The following EPHA6 variants were observed in gnomAD, a reference collection of about 807,000 sequenced individuals.
EPHA6 encodes EPH receptor A6.
EPHA6 carries 50 observed loss-of-function variants against 112.0 expected under a neutral mutation model. The observed-to-expected ratio is 0.45, with a 90% confidence interval of 0.36 to 0.56. EPHA6 has a LOEUF of 0.56. Among genes scored for constraint, EPHA6 ranks in the 20% least tolerant of loss-of-function variants. The pLI, the probability that EPHA6 is intolerant of heterozygous loss-of-function variation, is 0.00. For synonymous variants in EPHA6, 529 were observed against 490.7 expected, an observed-to-expected ratio of 1.08 and a Z score of -1.03; for missense variants, 1,280 against 1,417.4, an observed-to-expected ratio of 0.90 and a Z score of 1.56.
chr3:96,997,386 C>T (rs2043460797), intron 3 of EPHA6, among the ~76,000 whole-genome samples: 1 of 152,010 alleles, frequency 6.6e-6, no homozygotes, highest in South Asian at 2.1e-4. Flanking sequence ...GCTTTCAAGG[C>T]CTTCCTCACT....
intron 7 of EPHA6, among the ~76,000 whole-genome samples, chr3:97,465,458 C>A (rs1031533527): frequency 2.0e-5 from 3 of 151,842 alleles, no homozygotes; most frequent in African/African-American, 7.3e-5. Context: ...ATTGATGGAG[C>A]CATAGTTTTG....
chr3:97,612,253 G>A (rs1338590260), intron 13 of EPHA6: 1 of 260,288 alleles, frequency 3.8e-6, no homozygotes, highest in African/African-American at 2.2e-5. Context: ...TATACTTAAT[G>A]TCCTTCCATT....
In EPHA6 at chr3:96,814,728, C is replaced by G. The variant is rs759542650; in HGVS notation, c.105C>G (p.Cys35Trp). The change falls in exon 1 of 18, where the codon TGC becomes TGG. Residue 35 changes from cysteine (C) to tryptophan (W), a missense_variant. This residue lies in a region of EPHA6 where 220 missense variants were observed against 171.5 expected (regional missense o/e 1.28). Transcript: ENST00000389672. Reference protein sequence around the residue: ...APATGQPGPSCPVPGTSRRGR... With the variant: ...APATGQPGPSWPVPGTSRRGR... Reference sequence around the variant, plus strand: ...CAACTGGGCAGCCTGGACCCTCGTGCCCTGTTCCCGGGACCTCGCGCAGGG... The same window carrying G: ...CAACTGGGCAGCCTGGACCCTCGTGGCCTGTTCCCGGGACCTCGCGCAGGG... 4.4e-6 allele frequency: 7 copies of G among 1,576,668 alleles called. No homozygotes were observed. The East Asian group carries it at 1.6e-4, about 35-fold the overall frequency.
At chr3:96,979,566 A>G (rs1018918476) in intron 2 of EPHA6, among the ~76,000 whole-genome samples, 3 of 152,336 alleles carry the variant, frequency 2.0e-5, no homozygotes, top group Non-Finnish European at 4.4e-5. Flanking sequence ...GTATATACCC[A>G]GTAATGGGAT....
chr3:96,867,366 G>A (rs948293208), intron 2 of EPHA6, among the ~76,000 whole-genome samples: 2 of 151,672 alleles, frequency 1.3e-5, no homozygotes, highest in Non-Finnish European at 1.5e-5. Context: ...AGGTGATTAG[G>A]TTTTTGTTAA....
intron 3 of EPHA6, among the ~76,000 whole-genome samples, chr3:97,077,096 C>T (rs1449151335): frequency 2.0e-5 from 3 of 152,068 alleles, no homozygotes; most frequent in African/African-American, 4.8e-5. Flanking sequence ...TTTAAGAATA[C>T]ATTTTTGCAA....
At chr3:97,371,496 G>T (rs867489279) in intron 5 of EPHA6, among the ~76,000 whole-genome samples, 5 of 152,088 alleles carry the variant, frequency 3.3e-5, no homozygotes, top group South Asian at 2.1e-4. Context: ...GATTTCCTAT[G>T]CCTGCTTTAC....
intron 12 of EPHA6, among the ~76,000 whole-genome samples, chr3:97,605,323 C>T (rs1169220084): frequency 4.6e-5 from 7 of 151,418 alleles, no homozygotes; most frequent in African/African-American, 1.7e-4. Context: ...AAACTCTTTG[C>T]CAAGGCTAAA....
At chr3:97,565,289 G>T (rs2093248261) in intron 11 of EPHA6, among the ~76,000 whole-genome samples, 2 of 152,108 alleles carry the variant, frequency 1.3e-5, no homozygotes, top group East Asian at 1.9e-4. Flanking sequence ...TTATGCATTT[G>T]TAGTAATAAC....
chr3:97,272,869 G>A (rs1355238374), intron 5 of EPHA6, among the ~76,000 whole-genome samples: 1 of 152,108 alleles, frequency 6.6e-6, no homozygotes, highest in Non-Finnish European at 1.5e-5. Context: ...TGACATTCCT[G>A]TCTTCTTAAA....
intron 2 of EPHA6, among the ~76,000 whole-genome samples, chr3:96,942,853 A>T (rs1413069448): frequency 6.6e-6 from 1 of 152,094 alleles, no homozygotes; most frequent in African/African-American, 2.4e-5. Flanking sequence ...AAACCAGGGT[A>T]TTCCAAAATG....
intron 5 of EPHA6, among the ~76,000 whole-genome samples, chr3:97,320,329 T>C (rs542925144): frequency 6.6e-6 from 1 of 151,680 alleles, no homozygotes; most frequent in African/African-American, 2.4e-5. Context: ...AAAATTTATA[T>C]GTTTATTTTT....
intron 2 of EPHA6, among the ~76,000 whole-genome samples, chr3:96,886,652 T>A (rs2037642196): frequency 1.3e-5 from 2 of 152,210 alleles, no homozygotes; most frequent in Non-Finnish European, 2.9e-5. Flanking sequence ...ATCTTATAAA[T>A]GGAGCATTTA....
At chr3:97,354,008 T>C (rs946765545) in intron 5 of EPHA6, among the ~76,000 whole-genome samples, 1 of 152,200 alleles carries the variant, frequency 6.6e-6, no homozygotes, top group African/African-American at 2.4e-5. Flanking sequence ...AATTCTCTGA[T>C]ATCTTACTCA....
chr3:97,222,749 A>T (rs2078244362), intron 3 of EPHA6, among the ~76,000 whole-genome samples: 1 of 152,228 alleles, frequency 6.6e-6, no homozygotes, highest in South Asian at 2.1e-4. Flanking sequence ...GTACTCACAC[A>T]CTATCCAGTT....
At chr3:97,312,631 C>T (rs899997652) in intron 5 of EPHA6, among the ~76,000 whole-genome samples, 18 of 151,560 alleles carry the variant, frequency 1.2e-4, no homozygotes, top group East Asian at 1.9e-4. Context: ...ATATTTTATA[C>T]GTATCCTTTA....
At chr3:97,621,313 G>C (rs1210959217) in intron 13 of EPHA6, among the ~76,000 whole-genome samples, 2 of 151,676 alleles carry the variant, frequency 1.3e-5, no homozygotes, top group Admixed American at 1.3e-4. Context: ...ATAACTAATG[G>C]ATGCTAGACT....
intron 5 of EPHA6, among the ~76,000 whole-genome samples, chr3:97,276,989 A>G (rs574266110): frequency 3.0e-4 from 45 of 152,124 alleles, no homozygotes; most frequent in Non-Finnish European, 5.1e-4. Flanking sequence ...AGGGTGGAGG[A>G]GCAGAGGCTG....
intron 2 of EPHA6, among the ~76,000 whole-genome samples, chr3:96,960,124 G>T (rs571037833): frequency 4.7e-4 from 72 of 152,214 alleles, no homozygotes; most frequent in Admixed American, 1.3e-3. Flanking sequence ...AAATGAGCTG[G>T]TGTATTTGTG....
Sources: allele counts gnomAD v4.1 joint callset (sites outside exome capture counted in the v4.1 genomes callset), GRCh38; gene constraint gnomAD v4.1.1; regional missense constraint gnomAD v4.1.1; transcripts MANE v1.5; gene names NCBI Gene and HGNC (gene_info 2026-07-23, HGNC 2026-07-21).